Variants in TTF2 observed in about 807,000 individuals in gnomAD.
TTF2 encodes transcription termination factor 2, also known as RNA polymerase II termination factor.
TTF2 carries 108 observed loss-of-function variants against 142.4 expected under a neutral mutation model. The ratio of observed to expected loss-of-function variants is 0.76; its 90% CI spans 0.65 to 0.89. The LOEUF (loss-of-function observed/expected upper bound fraction) is 0.89, where lower values mean the gene tolerates loss of function less well. Among genes scored for constraint, TTF2 ranks in the 40% least tolerant of loss-of-function variants. The pLI is 0.00. For missense variants in TTF2, 1,327 were observed against 1,379.8 expected (o/e 0.96, Z 0.61); for synonymous variants, 483 against 506.2 (o/e 0.95, Z 0.61).
chr1:117,077,661 A>T (rs938449372), intron 7 of TTF2, among the ~76,000 whole-genome samples: 2 of 152,170 alleles, frequency 1.3e-5, no homozygotes, highest in African/African-American at 4.8e-5. Context: ...TGGAGCCTGA[A>T]ATGTGTAATA....
chr1:117,075,217 A>C lies in TTF2; in HGVS notation c.633A>C (p.Thr211=). ...EIQCEAETGG[T]HKRDFSEIKS... ...AGTGTGAGGCAGAGACTGGAGGCAC[A>C]CACAAAAGAGACTTTTCTGAAATTA... The change falls in exon 5 of 23, where the codon ACA becomes ACC. Residue 211 remains threonine, a synonymous_variant. Transcript: ENST00000369466. This position sits in a 1 kb window ranked among gnomAD's most constrained non-coding sequence, Gnocchi z 4.5. 1 of 1,614,224 alleles carries C rather than the reference A, an allele frequency of 6.2e-7. No individual in the cohort carries two copies. The highest frequency in any genetic ancestry group is 1.7e-5 in the Admixed American group (1 of 60,022).
rs1368043030 is a variant in TTF2 at position 117,076,285 on chromosome 1, C to T, written c.1381C>T (p.Pro461Ser). 6.2e-7 allele frequency: 1 copy of T among 1,613,746 alleles called. No homozygotes were observed. Among genetic ancestry groups the T allele is most frequent in the Non-Finnish European group, 8.5e-7 (1 of 1,179,750 alleles). ...EEVLSGLTLS[P>S]EQGTNEKSNS... is the part of the protein sequence containing the mutation. Reference sequence around the variant, plus strand: ...AGTACTCAGTGGTCTTACCCTTTCCCCAGAGCAAGGTAAAGTGGCTTATGC... The same window carrying T: ...AGTACTCAGTGGTCTTACCCTTTCCTCAGAGCAAGGTAAAGTGGCTTATGC... The change falls in exon 6 of 23, where the codon CCA becomes TCA. Residue 461 changes from proline (P) to serine (S), a missense_variant. Coordinates refer to ENST00000369466, the MANE Select transcript of TTF2 (RefSeq NM_003594.4). The surrounding 1 kb of genome is among the most constrained non-coding windows in gnomAD (Gnocchi z 4.6).
At position 117,086,317 on chromosome 1, in the gene TTF2, C is replaced by A; in HGVS notation, c.2055-100C>A. 1 of 764,378 alleles carries A rather than the reference C, an allele frequency of 1.3e-6. No individual in the cohort carries two copies. The highest frequency in any genetic ancestry group is 2.2e-6 in the Non-Finnish European group (1 of 447,958). 47.3% of individuals were successfully genotyped at this position (764,378 alleles called of 1,614,324 possible). A position where few individuals can be genotyped will look rare whatever the true frequency, so the allele number is the denominator to read the frequency against. On this transcript the variant is annotated intron_variant, in intron 11 of 22. Coordinates refer to ENST00000369466, the MANE Select transcript of TTF2 (RefSeq NM_003594.4). This position sits in a 1 kb window ranked among gnomAD's most constrained non-coding sequence, Gnocchi z 4.2. ...AAGTTAATGAGTTCTGCTGTTTGTC[C>A]TTCCATTTGTAGGCATTTTTATTGA...
chr1:117,089,432 T>TA (rs751069354), intron 13 of TTF2, among the ~76,000 whole-genome samples: 1 of 152,144 alleles, frequency 6.6e-6, no homozygotes, highest in Non-Finnish European at 1.5e-5. Context: ...GTCATACCTG[T>TA]AATCTCCACA....
Position 117,100,185 on chromosome 1 carries a change from C to G in TTF2, c.3345-1195C>G, listed in dbSNP as rs942827192. On this transcript the variant is annotated intron_variant, in intron 22 of 22. Transcript: ENST00000369466. This position sits in a 1 kb window ranked among gnomAD's most constrained non-coding sequence, Gnocchi z 4.6. ...ACAAATAGAAATTGATTTTCTCTTC[C>G]TATTATCTCAAATCTGCTATTCTTC... is the stretch of plus-strand genomic sequence containing the variant. Among the ~76,000 whole-genome samples, 1 of 152,248 alleles carries G rather than the reference C, an allele frequency of 6.6e-6. No individual in the cohort carries two copies. Among genetic ancestry groups the G allele is most frequent in the African/African-American group, 2.4e-5 (1 of 41,464 alleles).
rs1649785596 is a variant in TTF2 at position 117,104,051 on chromosome 1, C to A, written c.*2527C>A. 1 of 151,542 alleles carries A rather than the reference C, an allele frequency of 6.6e-6. No individual in the cohort carries two copies. The highest frequency in any genetic ancestry group is 1.5e-5 in the Non-Finnish European group (1 of 67,964). The allele number at this position is 151,542 out of a possible 1,614,324, so 9.4% of individuals were successfully genotyped here. ...GTGGGCAGTTTTCAGAACTTAGCAGCAATAAGGTTTCTGATAAAATCAAGA... is the reference window on the plus strand; with the variant it reads ...GTGGGCAGTTTTCAGAACTTAGCAGAAATAAGGTTTCTGATAAAATCAAGA... On this transcript the variant is annotated 3_prime_UTR_variant, in exon 23 of 23. Transcript: ENST00000369466.
chr1:117,083,037 C>T (rs1570839274), intron 10 of TTF2, among the ~76,000 whole-genome samples: 1 of 151,628 alleles, frequency 6.6e-6, no homozygotes, highest in East Asian at 1.9e-4. Context: ...GGTCAGGAGA[C>T]CGAGACCATC....
chr1:117,079,250 A>C lies in TTF2; in HGVS notation c.1702-318A>C, dbSNP rs1299115091. ...GCGAGGCTGTCTCAAAAAAATAAAA[A>C]TAAAAAAATAAAAGCTGTAGAGACT... On this transcript the variant is annotated intron_variant, in intron 8 of 22. Transcript: ENST00000369466. This position sits in a 1 kb window ranked among gnomAD's most constrained non-coding sequence, Gnocchi z 4.2. 6.6e-6 allele frequency among the ~76,000 whole-genome samples: 1 copy of C among 152,226 alleles called. No homozygotes were observed. The highest frequency in any genetic ancestry group is 1.9e-4 in the East Asian group (1 of 5,196).
chr1:117,095,117 T>C (rs535763219), intron 18 of TTF2, among the ~76,000 whole-genome samples, 192 bp from the exon 19 acceptor site: 1 of 152,272 alleles, frequency 6.6e-6, no homozygotes, highest in South Asian at 2.1e-4. Context: ...ATGGAAGGGC[T>C]TTAGCCAGAG....
At chr1:117,091,519 G>T in intron 16 of TTF2, 109 bp downstream of exon 16, 2 of 1,176,846 alleles carry the variant, frequency 1.7e-6, no homozygotes, top group Non-Finnish European at 2.4e-6. Flanking sequence ...GAGATTTGGC[G>T]TTAACTAAGA....
chr1:117,069,924 T>C (rs573424561), intron 3 of TTF2, among the ~76,000 whole-genome samples: 3 of 152,234 alleles, frequency 2.0e-5, no homozygotes, highest in Non-Finnish European at 4.4e-5. Flanking sequence ...AAACAATTAA[T>C]AAACATACTG....
At position 117,100,249 on chromosome 1, in the gene TTF2, TA is replaced by T. The variant is rs1264054543; in HGVS notation, c.3345-1129del. 6.6e-6 allele frequency among the ~76,000 whole-genome samples: 1 copy of T among 152,248 alleles called. No homozygotes were observed. The highest frequency in any genetic ancestry group is 1.5e-5 in the Non-Finnish European group (1 of 68,044). The stretch of plus-strand genomic sequence containing the variant: ...TTTGTGAATAGTATCACTCTTTATC[TA>T]ATTATCTAGCCAGAACTAGACTCCT... On this transcript the variant is annotated intron_variant, in intron 22 of 22. Transcript: ENST00000369466. This position sits in a 1 kb window ranked among gnomAD's most constrained non-coding sequence, Gnocchi z 4.6.
At position 117,079,691 on chromosome 1, in the gene TTF2, A is replaced by G; in HGVS notation, c.1783+42A>G. 1 of 1,577,490 alleles carries G rather than the reference A, an allele frequency of 6.3e-7. No individual in the cohort carries two copies. The highest frequency in any genetic ancestry group is 8.7e-7 in the Non-Finnish European group (1 of 1,146,386). The stretch of plus-strand genomic sequence containing the variant: ...AAGAGTCAGCCTTTATTGAATGCTT[A>G]GGCATTGTGCTAAACACGTAGTGTT... On this transcript the variant is annotated intron_variant, in intron 9 of 22. Transcript: ENST00000369466. This position sits in a 1 kb window ranked among gnomAD's most constrained non-coding sequence, Gnocchi z 4.2.
intron 8 of TTF2, 145 bp downstream of exon 8, chr1:117,078,188 G>A: frequency 9.8e-7 from 1 of 1,024,916 alleles, no homozygotes; most frequent in Non-Finnish European, 1.4e-6. Context: ...CTCCTTTTAT[G>A]CTTAACAGTG....
In TTF2 at chr1:117,093,032, G is replaced by T; in HGVS notation, c.2976+131G>T. On this transcript the variant is annotated intron_variant, in intron 18 of 22. Coordinates refer to ENST00000369466, the MANE Select transcript of TTF2 (RefSeq NM_003594.4). The surrounding 1 kb of genome is among the most constrained non-coding windows in gnomAD (Gnocchi z 4.5). ...GAGCTAGAGCCGTTAAATTCTAGCT[G>T]ATCAGATTCTCCCTCCAGTCTTAAA... The T allele has an allele frequency of 1.0e-6, 1 of 989,976 alleles. No homozygotes were observed. The allele number at this position is 989,976 out of a possible 1,614,324, so 61.3% of individuals were successfully genotyped here. A position where few individuals can be genotyped will look rare whatever the true frequency, so the allele number is the denominator to read the frequency against.
Position 117,074,845 on chromosome 1 carries a change from T to G in TTF2, c.286-25T>G, listed in dbSNP as rs755099665. The G allele has an allele frequency of 3.3e-6, 5 of 1,529,972 alleles. No homozygotes were observed. In the East Asian group the frequency reaches 9.1e-5, roughly 28 times the overall value. The allele number at this position is 1,529,972 out of a possible 1,614,324, so 94.8% of individuals were successfully genotyped here. On this transcript the variant is annotated intron_variant, in intron 4 of 22. Coordinates refer to ENST00000369466, the MANE Select transcript of TTF2 (RefSeq NM_003594.4). ...ACGAAGTTTGTATTAATATTTTATA[T>G]GAAGATTAATTATTTTGTCTTTAGG...
In TTF2 at chr1:117,084,144, C is replaced by A. The variant is rs773021123; in HGVS notation, c.2030C>A (p.Pro677Gln). ...NKLRVYLYHG[P>Q]NRDSRARVLS... is the part of the protein sequence containing the mutation. Reference sequence around the variant, plus strand: ...CTAAGAGTCTATCTCTACCATGGGCCAAACCGGGATTCACGTGCCAGAGTG... The same window carrying A: ...CTAAGAGTCTATCTCTACCATGGGCAAAACCGGGATTCACGTGCCAGAGTG... Residue 677 changes from proline to glutamine, a missense_variant, in exon 11 of 23, where the codon CCA (proline) becomes CAA (glutamine). Transcript: ENST00000369466. 3.1e-6 allele frequency: 5 copies of A among 1,614,062 alleles called. No homozygotes were observed. The highest frequency in any genetic ancestry group is 4.2e-6 in the Non-Finnish European group (5 of 1,180,034).
intron 8 of TTF2, among the ~76,000 whole-genome samples, chr1:117,078,538 C>T (rs543870580): frequency 2.6e-5 from 4 of 152,270 alleles, no homozygotes; most frequent in African/African-American, 9.6e-5. Context: ...AGGAATAAAA[C>T]GCTGCAATTA....
In TTF2 at chr1:117,091,424, C is replaced by T; in HGVS notation, c.2671+14C>T. On this transcript the variant is annotated intron_variant, in intron 16 of 22. Coordinates refer to ENST00000369466, the MANE Select transcript of TTF2 (RefSeq NM_003594.4). ...CATTCAGTAGAGGTAAGCTGTAGGA[C>T]TCTCATAAATACATATGACTGGTGA... 6.2e-7 allele frequency: 1 copy of T among 1,604,444 alleles called. No individual in the cohort carries two copies. Among genetic ancestry groups the T allele is most frequent in the Non-Finnish European group, 8.5e-7 (1 of 1,176,434 alleles).
Sources: allele counts gnomAD v4.1 joint callset (sites outside exome capture counted in the v4.1 genomes callset), GRCh38; gene constraint gnomAD v4.1.1; non-coding constraint Gnocchi (gnomAD v3.1); transcripts MANE v1.5; gene names NCBI Gene and HGNC (gene_info 2026-07-23, HGNC 2026-07-21).